Variants in SAP30BP observed in about 807,000 individuals in gnomAD.
SAP30BP encodes the protein SAP30-binding protein.
A neutral mutation model predicts 46.3 loss-of-function variants in SAP30BP; 31 were observed. The ratio of observed to expected loss-of-function variants is 0.67; its 90% CI spans 0.50 to 0.90. The LOEUF (loss-of-function observed/expected upper bound fraction) is 0.90, where lower values mean the gene tolerates loss of function less well. Among genes scored for constraint, SAP30BP ranks in the 40% least tolerant of loss-of-function variants. SAP30BP has a pLI of 0.00. For synonymous variants in SAP30BP, 169 were observed against 144.2 expected (o/e 1.17, Z -1.23); for missense variants, 312 against 391.0 (o/e 0.80, Z 1.70).
Position 75,706,189 on chromosome 17 carries a change from G to T in SAP30BP, c.745+97G>T, listed in dbSNP as rs2060494765. 5.8e-6 allele frequency: 9 copies of T among 1,556,020 alleles called. No homozygotes were observed. Among genetic ancestry groups the T allele is most frequent in the Non-Finnish European group, 6.9e-6 (8 of 1,153,848 alleles). ...AGACAGCACGTGGATCTGGGCCTGGGCTCAGCCTTGCTACTTTGAGAAGCA... is the reference window on the plus strand; with the variant it reads ...AGACAGCACGTGGATCTGGGCCTGGTCTCAGCCTTGCTACTTTGAGAAGCA... On this transcript the variant is annotated intron_variant, in intron 10 of 10. Coordinates refer to ENST00000584667, the MANE Select transcript of SAP30BP (RefSeq NM_013260.8). This position sits in a 1 kb window ranked among gnomAD's most constrained non-coding sequence, Gnocchi z 4.6.
At position 75,699,998 on chromosome 17, in the gene SAP30BP, A is replaced by C. The variant is rs2060383217; in HGVS notation, c.396+127A>C. On this transcript the variant is annotated intron_variant, in intron 5 of 10. Transcript: ENST00000584667. ...TGAGGCTTCTATAAAAGAAACTGAC[A>C]GGTGGGAAGGATCCCACAGTCCACT... 7 of 666,844 alleles carry C rather than the reference A, an allele frequency of 1.0e-5. No homozygotes were observed. In the South Asian group the frequency reaches 1.3e-4, roughly 12 times the overall value. 41.3% of individuals were successfully genotyped at this position (666,844 alleles called of 1,614,324 possible). A position where few individuals can be genotyped will look rare whatever the true frequency, so the allele number is the denominator to read the frequency against.
Position 75,705,992 on chromosome 17 carries a change from C to A in SAP30BP, c.661-16C>A, listed in dbSNP as rs781631947. 2.5e-6 allele frequency: 4 copies of A among 1,612,156 alleles called. No individual in the cohort carries two copies. The South Asian group carries it at 4.4e-5, about 18-fold the overall frequency. On this transcript the variant is annotated splice_polypyrimidine_tract_variant and intron_variant, in intron 9 of 10. Transcript: ENST00000584667. ...CAGCTTTGCCTGGTCTTATTCTCTTCCCTCTCCCTCTCCAGATTGAGTTTG... is the reference window on the plus strand; with the variant it reads ...CAGCTTTGCCTGGTCTTATTCTCTTACCTCTCCCTCTCCAGATTGAGTTTG...
At chr17:75,685,450 C>T (rs1162649884) in intron 3 of SAP30BP, among the ~76,000 whole-genome samples, 1 of 152,074 alleles carries the variant, frequency 6.6e-6, no homozygotes, top group African/African-American at 2.4e-5. Context: ...TTCTTTTTGG[C>T]CCTCTAAGTA....
intron 3 of SAP30BP, among the ~76,000 whole-genome samples, chr17:75,681,135 A>C (rs2060069625): frequency 6.6e-6 from 1 of 152,250 alleles, no homozygotes. Context: ...GCTGCTTAAA[A>C]AAATAATATG....
intron 4 of SAP30BP, among the ~76,000 whole-genome samples, chr17:75,696,812 A>AGGCTGGAGG (rs1568318341): frequency 8.7e-6 from 1 of 115,150 alleles, no homozygotes; most frequent in Non-Finnish European, 1.7e-5. Context: ...TTTGTCACCC[A>AGGCTGGAGG]GGCTGGAGGG....
chr17:75,706,608 C>T lies in SAP30BP; in HGVS notation c.*87C>T. 8.0e-7 allele frequency: 1 copy of T among 1,244,084 alleles called. No homozygotes were observed. The highest frequency in any genetic ancestry group is 2.3e-5 in the East Asian group (1 of 42,840). The allele number at this position is 1,244,084 out of a possible 1,614,324, so 77.1% of individuals were successfully genotyped here. A position where few individuals can be genotyped will look rare whatever the true frequency, so the allele number is the denominator to read the frequency against. ...AGGCGCCACTTTGTATATTTCAGGACTGGGACCTACTCCCCAGATGCCACC... is the reference window on the plus strand; with the variant it reads ...AGGCGCCACTTTGTATATTTCAGGATTGGGACCTACTCCCCAGATGCCACC... On this transcript the variant is annotated 3_prime_UTR_variant, in exon 11 of 11. Coordinates refer to ENST00000584667, the MANE Select transcript of SAP30BP (RefSeq NM_013260.8). The surrounding 1 kb of genome is among the most constrained non-coding windows in gnomAD (Gnocchi z 4.6).
At position 75,706,281 on chromosome 17, in the gene SAP30BP, A is replaced by C; in HGVS notation, c.746-59A>C. The stretch of plus-strand genomic sequence containing the variant: ...AGACTCCCGCTGGCCTGCAGGGGGA[A>C]GGGAAAGAGGGCACCGCTCATTGGT... On this transcript the variant is annotated intron_variant, in intron 10 of 10. Transcript: ENST00000584667. The surrounding 1 kb of genome is among the most constrained non-coding windows in gnomAD (Gnocchi z 4.6). The C allele has an allele frequency of 6.4e-7, 1 of 1,569,938 alleles. No homozygotes were observed. Among genetic ancestry groups the C allele is most frequent in the East Asian group, 2.2e-5 (1 of 44,568 alleles).
At chr17:75,703,165 G>T in intron 6 of SAP30BP, 146 bp from the exon 7 acceptor site, 1 of 695,578 alleles carries the variant, frequency 1.4e-6, no homozygotes. Context: ...CTGGGAGAGT[G>T]GAGGGCCATC....
At chr17:75,674,709 T>G (rs1243520094) in intron 3 of SAP30BP, among the ~76,000 whole-genome samples, 50 of 122,768 alleles carry the variant, frequency 4.1e-4, no homozygotes, top group Middle Eastern at 3.7e-3. Context: ...TTTTTTTTTT[T>G]TTTTTTTTTT....
intron 3 of SAP30BP, chr17:75,692,142 C>G: frequency 1.3e-6 from 1 of 790,054 alleles, no homozygotes; most frequent in Non-Finnish European, 1.5e-6. Context: ...GAATGAATAG[C>G]TGCAGTGTTC....
At chr17:75,676,893 G>T (rs1238364626) in intron 3 of SAP30BP, among the ~76,000 whole-genome samples, 2 of 152,146 alleles carry the variant, frequency 1.3e-5, no homozygotes, top group African/African-American at 4.8e-5. Context: ...ACTATCAGAG[G>T]TTCAAGGCAT....
intron 4 of SAP30BP, among the ~76,000 whole-genome samples, chr17:75,697,065 C>T (rs1024922002): frequency 1.3e-5 from 2 of 152,106 alleles, no homozygotes; most frequent in Non-Finnish European, 2.9e-5. Flanking sequence ...GTGTGAGCCA[C>T]CGCGCCCGGC....
chr17:75,678,994 T>G (rs927292729), intron 3 of SAP30BP, among the ~76,000 whole-genome samples: 5 of 149,206 alleles, frequency 3.4e-5, no homozygotes, highest in African/African-American at 4.9e-5. Context: ...CAGGCAAGTT[T>G]TTTTTTTTTT....
rs373821665 is a variant in SAP30BP at position 75,670,192 on chromosome 17, C to T, written c.216+1567C>T. On this transcript the variant is annotated intron_variant, in intron 2 of 10. Transcript: ENST00000584667. ...CAATAATTAGCAGGGCATGGTGGTA[C>T]GCACCTGTAGTCCCACCTACTCGGG... is the stretch of plus-strand genomic sequence containing the variant. Among the ~76,000 whole-genome samples the T allele has an allele frequency of 8.6e-4, 130 of 152,032 alleles. 2 individuals are homozygous for T. The South Asian group carries it at 0.017, about 20-fold the overall frequency.
chr17:75,705,194 C>A, intron 9 of SAP30BP: 1 of 255,550 alleles, frequency 3.9e-6, no homozygotes, highest in Non-Finnish European at 7.8e-6. Flanking sequence ...CCAGAGCTGC[C>A]CTCAGTGGCT....
At chr17:75,685,473 T>C (rs994319952) in intron 3 of SAP30BP, among the ~76,000 whole-genome samples, 4 of 152,202 alleles carry the variant, frequency 2.6e-5, no homozygotes, top group Non-Finnish European at 5.9e-5. Flanking sequence ...TCAGTCCCCT[T>C]CCTACCGGTG....
intron 3 of SAP30BP, among the ~76,000 whole-genome samples, chr17:75,672,407 C>G (rs1234214922): frequency 6.6e-6 from 1 of 152,164 alleles, no homozygotes; most frequent in Non-Finnish European, 1.5e-5. Context: ...AACAACATAA[C>G]TATTCTCATA....
rs375315996 is a variant in SAP30BP, at chr17:75,667,345, T to G, written c.-28T>G. On this transcript the variant is annotated 5_prime_UTR_variant, in exon 1 of 11. Transcript: ENST00000584667. The stretch of plus-strand genomic sequence containing the variant: ...AAGTCGGCGTCTTGAGTCATAGGAG[T>G]GAGCCACGCCCGGGCTGTGGGAATA... 172 of 1,611,066 alleles carry G rather than the reference T, an allele frequency of 1.1e-4. No homozygotes were observed. The African/African-American group carries it at 2.1e-3, about 20-fold the overall frequency.
chr17:75,672,356 C>T (rs1320352129), intron 3 of SAP30BP, among the ~76,000 whole-genome samples: 1 of 152,184 alleles, frequency 6.6e-6, no homozygotes, highest in Non-Finnish European at 1.5e-5. Flanking sequence ...GGGGTGTGTC[C>T]ATCCACTTTT....
Sources: allele counts gnomAD v4.1 joint callset (sites outside exome capture counted in the v4.1 genomes callset), GRCh38; gene constraint gnomAD v4.1.1; non-coding constraint Gnocchi (gnomAD v3.1); transcripts MANE v1.5; gene names NCBI Gene and HGNC (gene_info 2026-07-23, HGNC 2026-07-21).